Variants in RB1CC1 observed in about 807,000 individuals in gnomAD.
The protein encoded by RB1CC1 is RB1-inducible coiled-coil protein 1.
A neutral mutation model predicts 177.5 loss-of-function variants in RB1CC1; 46 were observed. The observed-to-expected ratio is 0.26, with a 90% CI of 0.20 to 0.33. The LOEUF is 0.33. Among genes scored for constraint, RB1CC1 ranks in the 10% least tolerant of loss-of-function variants. RB1CC1 has a pLI of 1.00. For synonymous variants in RB1CC1, 666 were observed against 613.6 expected (o/e 1.09, Z -1.26); for missense variants, 1,703 against 1,816.3 (o/e 0.94, Z 1.13).
intron 7 of RB1CC1, among the ~76,000 whole-genome samples, chr8:52,670,183 T>G (rs888727525): frequency 2.0e-5 from 3 of 152,198 alleles, no homozygotes; most frequent in Non-Finnish European, 4.4e-5. Context: ...GACTCCCACC[T>G]TGGCCTCCCA....
At chr8:52,680,996 T>TGTGTGTGTGTGTGTGTGTGTGTGTGTG (rs1389877008) in intron 5 of RB1CC1, among the ~76,000 whole-genome samples, 2 of 104,986 alleles carry the variant, frequency 1.9e-5, no homozygotes, top group East Asian at 9.5e-4. Context: ...GTGTGTGTGT[T>TGTGTGTGTGTGTGTGTGTGTGTGTGTG]TTTTTTTTTT....
chr8:52,648,202 C>G (rs1850230121), intron 15 of RB1CC1, among the ~76,000 whole-genome samples: 1 of 151,392 alleles, frequency 6.6e-6, no homozygotes, highest in Non-Finnish European at 1.5e-5. Context: ...CATTTACTGA[C>G]TCAAAGTAAA....
chr8:52,660,726 T>C (rs1851537219), intron 11 of RB1CC1, 69 bp from the exon 12 acceptor site: 2 of 1,406,260 alleles, frequency 1.4e-6, no homozygotes, highest in Admixed American at 4.6e-5. Flanking sequence ...TCTCTGGTTT[T>C]TGAAAAGGTA....
At chr8:52,646,671 T>C (rs1850072130) in intron 15 of RB1CC1, among the ~76,000 whole-genome samples, 1 of 152,164 alleles carries the variant, frequency 6.6e-6, no homozygotes, top group South Asian at 2.1e-4. Context: ...CTCATACTCA[T>C]TTTCCTCAAG....
At chr8:52,705,038 G>A (rs1324629795) in intron 1 of RB1CC1, among the ~76,000 whole-genome samples, 1 of 152,124 alleles carries the variant, frequency 6.6e-6, no homozygotes, top group East Asian at 1.9e-4. Flanking sequence ...TGCTTAAACA[G>A]TCTTTAGTTT....
At chr8:52,704,469 A>AC (rs1177879789) in intron 1 of RB1CC1, among the ~76,000 whole-genome samples, 125 of 119,064 alleles carry the variant, frequency 1.0e-3, no homozygotes, top group African/African-American at 1.6e-3. Flanking sequence ...AAAAAAAAAA[A>AC]AAAAACACAA....
At chr8:52,655,964 C>T (rs777800199) in intron 15 of RB1CC1, 44 bp downstream of exon 15, 1 of 1,415,206 alleles carries the variant, frequency 7.1e-7, no homozygotes, top group Non-Finnish European at 9.6e-7. Context: ...AAACGAATCA[C>T]TGATATTTTA....
rs530819542 is a variant in RB1CC1, at chr8:52,628,916, T to C, written c.4500-748A>G. On this transcript the variant is annotated intron_variant, in intron 21 of 23. Coordinates refer to ENST00000025008, the MANE Select transcript of RB1CC1 (RefSeq NM_014781.5). The stretch of plus-strand genomic sequence containing the variant: ...TTTTAATGTCTTTTATTTATTAAGT[T>C]ACCCTACAAATACTTAGTGATTACC... Among the ~76,000 whole-genome samples the C allele has an allele frequency of 1.2e-3, 180 of 152,328 alleles. 1 individual carries two copies. The highest frequency in any genetic ancestry group is 2.0e-3 in the Admixed American group (31 of 15,298).
At chr8:52,649,643 TAATAA>T (rs1455123134) in intron 15 of RB1CC1, among the ~76,000 whole-genome samples, 2 of 151,982 alleles carry the variant, frequency 1.3e-5, no homozygotes, top group African/African-American at 4.8e-5. Flanking sequence ...CTCAAAAAAA[TAATAA>T]AATAAAAATC....
chr8:52,649,437 T>G (rs1206304035), intron 15 of RB1CC1, among the ~76,000 whole-genome samples: 1 of 152,194 alleles, frequency 6.6e-6, no homozygotes, highest in Non-Finnish European at 1.5e-5. Flanking sequence ...CTAGAAAATT[T>G]ACATTGAACA....
chr8:52,647,081 T>A (rs1850115774), intron 15 of RB1CC1, among the ~76,000 whole-genome samples: 1 of 152,198 alleles, frequency 6.6e-6, no homozygotes, highest in South Asian at 2.1e-4. Context: ...ATGTTTCTTA[T>A]GTAATTTCCT....
chr8:52,691,650 TC>T (rs1220159412), intron 1 of RB1CC1, among the ~76,000 whole-genome samples: 1 of 152,208 alleles, frequency 6.6e-6, no homozygotes, highest in African/African-American at 2.4e-5. Context: ...CACGTTTTCA[TC>T]CATTGTGTAT....
At chr8:52,633,973 TG>T (rs1848943412) in intron 20 of RB1CC1, among the ~76,000 whole-genome samples, 2 of 152,266 alleles carry the variant, frequency 1.3e-5, no homozygotes. Flanking sequence ...AAAAATTAGC[TG>T]GGTGCAGCGG....
rs1855693493 is a variant in RB1CC1, at chr8:52,698,669, G to GTTTTTTTTTTTT, written c.-166-11703_-166-11702insAAAAAAAAAAAA. Among the ~76,000 whole-genome samples the GTTTTTTTTTTTT allele has an allele frequency of 7.0e-4, 16 of 22,770 alleles. 8 individuals carry two copies. The highest frequency in any genetic ancestry group is 7.5e-4 in the Non-Finnish European group (8 of 10,598). 14.9% of individuals were successfully genotyped at this position (22,770 alleles called of 152,430 possible). ...AACAAAAACTGTATATGTAATGGTT[G>GTTTTTTTTTTTT]GTTTTTTTTTTTTTTTTTTTTTTTT... On this transcript the variant is annotated intron_variant, in intron 1 of 23. Coordinates refer to ENST00000025008, the MANE Select transcript of RB1CC1 (RefSeq NM_014781.5).
At chr8:52,708,560 C>A (rs1290238913) in intron 1 of RB1CC1, among the ~76,000 whole-genome samples, 1 of 151,992 alleles carries the variant, frequency 6.6e-6, no homozygotes, top group Non-Finnish European at 1.5e-5. Flanking sequence ...AAGTATTGTC[C>A]TATTACCACT....
At chr8:52,632,739 G>C (rs1293021881) in intron 20 of RB1CC1, among the ~76,000 whole-genome samples, 2 of 152,018 alleles carry the variant, frequency 1.3e-5, no homozygotes, top group East Asian at 3.9e-4. Context: ...GGTCAAGCTG[G>C]GAACTACATC....
chr8:52,643,755 AAAGC>A (rs1465009848), intron 16 of RB1CC1, among the ~76,000 whole-genome samples: 1 of 151,890 alleles, frequency 6.6e-6, no homozygotes, highest in African/African-American at 2.4e-5. Flanking sequence ...TTGAAATGTA[AAAGC>A]AATAGATGAA....
intron 1 of RB1CC1, among the ~76,000 whole-genome samples, chr8:52,705,642 C>T (rs1490827448): frequency 6.6e-6 from 1 of 152,094 alleles, no homozygotes; most frequent in African/African-American, 2.4e-5. Flanking sequence ...TTTCATTATA[C>T]CATCACTTTT....
intron 12 of RB1CC1, among the ~76,000 whole-genome samples, chr8:52,660,207 T>C (rs1031883666): frequency 6.6e-6 from 1 of 150,394 alleles, no homozygotes; most frequent in African/African-American, 2.5e-5. Flanking sequence ...GGGGGTGGTG[T>C]GAAAAGAAAT....
Sources: allele counts gnomAD v4.1 joint callset (sites outside exome capture counted in the v4.1 genomes callset), GRCh38; gene constraint gnomAD v4.1.1; transcripts MANE v1.5; gene names NCBI Gene and HGNC (gene_info 2026-07-23, HGNC 2026-07-21).